Variants in TPR observed in about 807,000 individuals in gnomAD.
TPR encodes nucleoprotein TPR.
A neutral mutation model predicts 316.1 loss-of-function variants in TPR; 51 were observed. The ratio of observed to expected loss-of-function variants is 0.16; its 90% CI spans 0.13 to 0.20. The LOEUF (loss-of-function observed/expected upper bound fraction) is 0.20. Ranked by LOEUF, TPR falls within the 10% of genes least tolerant of loss-of-function variation. The probability of loss-of-function intolerance (pLI) is 1.00; values close to 1 mark genes in which losing one functional copy is unlikely to be tolerated. For synonymous variants in TPR, 981 were observed against 914.7 expected (o/e 1.07, Z -1.31); for missense variants, 2,272 against 2,754.8 (o/e 0.82, Z 3.92).
In TPR at chr1:186,323,688, G is replaced by C; in HGVS notation, c.6295C>G (p.Gln2099Glu). 1 of 1,492,674 alleles carries C rather than the reference G, an allele frequency of 6.7e-7. No homozygotes were observed. The highest frequency in any genetic ancestry group is 8.8e-7 in the Non-Finnish European group (1 of 1,131,328). 92.5% of individuals were successfully genotyped at this position (1,492,674 alleles called of 1,614,324 possible). A position where few individuals can be genotyped will look rare whatever the true frequency, so the allele number is the denominator to read the frequency against. ...APPQELGPPV[Q>E]RIQMTRRQSV... is the part of the protein sequence containing the mutation. Reference sequence around the variant, plus strand: ...ATAATGACCAGTACTTTTAATACCTGAACTGGTGGTCCCAACTCCTGAGGT... The same window carrying C: ...ATAATGACCAGTACTTTTAATACCTCAACTGGTGGTCCCAACTCCTGAGGT... The change falls in exon 43 of 51, where the codon CAG becomes GAG. Residue 2099 changes from glutamine (Q) to glutamate (E), a missense_variant and splice_region_variant. This residue lies in a region of TPR where 435 missense variants were observed against 461.1 expected (regional missense o/e 0.94). Coordinates refer to ENST00000367478, the MANE Select transcript of TPR (RefSeq NM_003292.3).
chr1:186,360,102 T>C (rs1659138924), intron 11 of TPR, 106 bp from the exon 12 acceptor site: 1 of 1,347,694 alleles, frequency 7.4e-7, no homozygotes, highest in South Asian at 1.3e-5. Flanking sequence ...AAAATGGCAA[T>C]GTTTACTATG....
intron 38 of TPR, 85 bp downstream of exon 38, chr1:186,332,110 G>A: frequency 1.4e-6 from 2 of 1,442,126 alleles, no homozygotes; most frequent in Non-Finnish European, 1.8e-6. Context: ...GGCCCCAAAA[G>A]GTTAATTTTC....
At chr1:186,325,974 A>C in intron 41 of TPR, 120 bp from the exon 42 acceptor site, 1 of 1,558,334 alleles carries the variant, frequency 6.4e-7, no homozygotes, top group Non-Finnish European at 8.6e-7. Flanking sequence ...AACAACAAAA[A>C]ACAAAACAAA....
rs1338562272 is a variant in TPR, at chr1:186,339,686, T to C, written c.4107A>G (p.Gln1369=). 6.3e-7 allele frequency: 1 copy of C among 1,597,622 alleles called. No individual in the cohort carries two copies. Among genetic ancestry groups the C allele is most frequent in the Non-Finnish European group, 8.5e-7 (1 of 1,172,038 alleles). Residue 1369 remains glutamine, a synonymous_variant, in exon 30 of 51, where the codon CAA becomes CAG. Coordinates refer to ENST00000367478, the MANE Select transcript of TPR (RefSeq NM_003292.3). ...GTCTACCAATTTCTTCTGTCAATTG[T>C]TGAATACGCTTAGTATGAACTTCCT... ...SEKEVHTKRI[Q]QLTEEIGRLK...
In TPR at chr1:186,325,766, C is replaced by A. The variant is rs1303582894; in HGVS notation, c.6110G>T (p.Ser2037Ile). 2 of 1,612,078 alleles carry A rather than the reference C, an allele frequency of 1.2e-6. No individual in the cohort carries two copies. Among genetic ancestry groups the A allele is most frequent in the East Asian group, 4.5e-5 (2 of 44,820 alleles). Reference protein sequence around the residue: ...GNHRAADSQNSGEGNTGAAES... With the variant: ...GNHRAADSQNIGEGNTGAAES... ...AAAAAGGCTAATAAAAATCTCACCA[C>A]TGTTTTGAGAATCAGCAGCTCTGTG... is the stretch of plus-strand genomic sequence containing the variant. Residue 2037 changes from serine to isoleucine, a missense_variant and splice_region_variant, in exon 42 of 51, where the codon AGT becomes ATT. Ser to Ile is a moderately radical substitution (Grantham distance 142). This residue lies in a region of TPR where 435 missense variants were observed against 461.1 expected (regional missense o/e 0.94). Transcript: ENST00000367478.
intron 4 of TPR, among the ~76,000 whole-genome samples, chr1:186,364,669 T>C (rs79081972): frequency 2.6e-5 from 4 of 152,004 alleles, no homozygotes; most frequent in African/African-American, 9.7e-5. Context: ...GTTTGACTTA[T>C]AAAAATGTCA....
At chr1:186,333,613 T>C (rs769403676) in intron 36 of TPR, among the ~76,000 whole-genome samples, 1 of 152,150 alleles carries the variant, frequency 6.6e-6, no homozygotes, top group African/African-American at 2.4e-5. Context: ...TAAATATCTG[T>C]AACTGATTTT....
intron 45 of TPR, among the ~76,000 whole-genome samples, chr1:186,321,299 A>G (rs956423029): frequency 6.6e-6 from 1 of 152,188 alleles, no homozygotes; most frequent in Non-Finnish European, 1.5e-5. Context: ...CCTTTCCCCA[A>G]GTTTGTAGAA....
At chr1:186,326,263 A>T (rs1383920913) in intron 40 of TPR, 28 bp from the exon 41 acceptor site, 23 of 1,578,730 alleles carry the variant, frequency 1.5e-5, no homozygotes, top group Non-Finnish European at 2.0e-5. Context: ...AGGCATAAAT[A>T]AAAGTTTAGA....
At position 186,359,831 on chromosome 1, in the gene TPR, T is replaced by G; in HGVS notation, c.1357A>C (p.Ser453Arg). 6.3e-7 allele frequency: 1 copy of G among 1,587,030 alleles called. No homozygotes were observed. The highest frequency in any genetic ancestry group is 8.5e-7 in the Non-Finnish European group (1 of 1,173,060). ...GCTTGTTCAAGCTTAACAGATAAAC[T>G]TGCTACAGCTTTCTGTGCACGTTCA... ...EYERAQKAVA[S>R]LSVKLEQAMK... is the part of the protein sequence containing the mutation. The change falls in exon 12 of 51, where the codon AGT becomes CGT. Residue 453 changes from serine to arginine, a missense_variant. Ser to Arg is a moderately radical substitution (Grantham distance 110). Coordinates refer to ENST00000367478, the MANE Select transcript of TPR (RefSeq NM_003292.3).
chr1:186,336,695 C>CTTTGT lies in TPR; in HGVS notation c.4507-2_4507-1insACAAA. On this transcript the variant is annotated splice_acceptor_variant, in intron 32 of 50. Transcript: ENST00000367478. LOFTEE classifies it high-confidence loss of function. ...CTTCTGTCTCTTTTTCAGATAATGTCTTTAAAGGAAAACAAAGTATTCACC... is the reference window on the plus strand; with the variant it reads ...CTTCTGTCTCTTTTTCAGATAATGTCTTTGTTTTAAAGGAAAACAAAGTATTCACC... 6.2e-7 allele frequency: 1 copy of CTTTGT among 1,611,670 alleles called. No individual in the cohort carries two copies. Among genetic ancestry groups the CTTTGT allele is most frequent in the Non-Finnish European group, 8.5e-7 (1 of 1,179,006 alleles).
At chr1:186,368,774 A>C (rs567960409) in intron 3 of TPR, among the ~76,000 whole-genome samples, 1 of 152,020 alleles carries the variant, frequency 6.6e-6, no homozygotes, top group Admixed American at 6.5e-5. Context: ...AGTTCCGTTT[A>C]TTTCTTTTTG....
intron 21 of TPR, among the ~76,000 whole-genome samples, chr1:186,348,080 G>A (rs1274243252): frequency 1.3e-5 from 2 of 152,056 alleles, no homozygotes; most frequent in Admixed American, 1.3e-4. Context: ...ATGGAACAAG[G>A]GAAGACAACC....
At position 186,346,263 on chromosome 1, in the gene TPR, T is replaced by A. The variant is rs777536738; in HGVS notation, c.2968A>T (p.Ile990Phe). ...GCTGACTCTTTTAAACGAACTTCAA[T>A]ATTCTTACGCACTTCTTCTGTCACC... ...KQVTEEVRKN[I>F]EVRLKESAEF... is the part of the protein sequence containing the mutation. The change falls in exon 23 of 51, where the codon ATT becomes TTT. Residue 990 changes from isoleucine to phenylalanine, a missense_variant. Transcript: ENST00000367478. 3 of 1,612,990 alleles carry A rather than the reference T, an allele frequency of 1.9e-6. No individual in the cohort carries two copies. Among genetic ancestry groups the A allele is most frequent in the Non-Finnish European group, 2.5e-6 (3 of 1,179,624 alleles).
At chr1:186,327,436 T>C (rs369761099) in intron 40 of TPR, 24 bp downstream of exon 40, 3 of 1,604,302 alleles carry the variant, frequency 1.9e-6, no homozygotes, top group East Asian at 2.2e-5. Context: ...TTAAAAACAC[T>C]AGATGATTTC....
chr1:186,325,518 C>T (rs764005679), intron 42 of TPR: 4 of 343,546 alleles, frequency 1.2e-5, no homozygotes, highest in African/African-American at 2.1e-5. Context: ...TTTATAATAC[C>T]GTAAGGGTTA....
Position 186,360,284 on chromosome 1 carries a change from T to C in TPR, c.1180A>G (p.Lys394Glu). ...AVAKIVKPGM[K>E]LTELYNAYVE... Reference sequence around the variant, plus strand: ...AATACCATTCTTACCTCAGTTAGTTTCATCCCAGGTTTCACTATCTTAGCT... The same window carrying C: ...AATACCATTCTTACCTCAGTTAGTTCCATCCCAGGTTTCACTATCTTAGCT... Residue 394 changes from lysine (K) to glutamate (E), a missense_variant, in exon 11 of 51, where the codon AAA becomes GAA. Coordinates refer to ENST00000367478, the MANE Select transcript of TPR (RefSeq NM_003292.3). The C allele has an allele frequency of 6.2e-7, 1 of 1,613,222 alleles. No homozygotes were observed. The highest frequency in any genetic ancestry group is 8.5e-7 in the Non-Finnish European group (1 of 1,179,380).
chr1:186,338,457 A>G (rs1658405818), intron 30 of TPR, among the ~76,000 whole-genome samples: 1 of 152,188 alleles, frequency 6.6e-6, no homozygotes, highest in Non-Finnish European at 1.5e-5. Flanking sequence ...TAGAGATGAG[A>G]AAAACAGAGC....
chr1:186,327,619 T>C lies in TPR; in HGVS notation c.5730A>G (p.Glu1910=). Reference sequence around the variant, plus strand: ...CTATTTGTAGAGACTGAGAGGTTTCTTCACTGTCTTCCATAGGTGTATAAT... The same window carrying C: ...CTATTTGTAGAGACTGAGAGGTTTCCTCACTGTCTTCCATAGGTGTATAAT... ...QGDYTPMEDS[E]ETSQSLQIDL... The change falls in exon 40 of 51, where the codon GAA becomes GAG. Residue 1910 remains glutamate, a synonymous_variant. Coordinates refer to ENST00000367478, the MANE Select transcript of TPR (RefSeq NM_003292.3). The C allele has an allele frequency of 6.2e-7, 1 of 1,613,300 alleles. No homozygotes were observed. Among genetic ancestry groups the C allele is most frequent in the Admixed American group, 1.7e-5 (1 of 59,822 alleles).
Sources: gnomAD v4.1 joint callset for allele counts (sites outside exome capture counted in the v4.1 genomes callset) on GRCh38, gnomAD v4.1.1 for gene constraint, gnomAD v4.1.1 regional missense constraint, MANE v1.5 for transcripts, NCBI Gene and HGNC (gene_info 2026-07-23, HGNC 2026-07-21) for gene names.